The following FTCDNL1 variants were observed in gnomAD, a reference collection of about 807,000 sequenced individuals.
FTCDNL1 encodes formiminotransferase N-terminal subdomain-containing protein.
In FTCDNL1, 11 loss-of-function variants were observed where a neutral mutation model predicts 5.9. That is an observed-to-expected ratio of 1.87 (90% confidence interval 1.18 to 3.10). FTCDNL1 has a LOEUF of 3.10. Ranked by LOEUF, FTCDNL1 falls within the 30% of genes most tolerant of loss-of-function variation. FTCDNL1 has a pLI of 0.00. For synonymous variants in FTCDNL1, 58 were observed against 24.8 expected (o/e 2.34, Z -3.99); for missense variants, 115 against 65.5 (o/e 1.76, Z -2.61).
chr2:199,701,826 G>A, the FTCDNL1 span, among the ~76,000 whole-genome samples: 1 of 152,144 alleles, frequency 6.6e-6, no homozygotes, highest in African/African-American at 2.4e-5. Context: ...CTCGAGGCCA[G>A]GAATTTGAGA....
chr2:199,769,489 C>T (rs1417031218), intron 3 of FTCDNL1, among the ~76,000 whole-genome samples: 1 of 149,626 alleles, frequency 6.7e-6, no homozygotes, highest in Non-Finnish European at 1.5e-5. Context: ...GCCCCCCCAG[C>T]CATGTGGAAT....
chr2:199,776,957 T>C (rs867970416), intron 3 of FTCDNL1, among the ~76,000 whole-genome samples: 14 of 111,048 alleles, frequency 1.3e-4, no homozygotes, highest in African/African-American at 4.9e-4. Flanking sequence ...GATGTGTGTA[T>C]ATGTGTGTGT....
chr2:199,735,033 C>G, the FTCDNL1 span, among the ~76,000 whole-genome samples: 1 of 145,708 alleles, frequency 6.9e-6, no homozygotes. Flanking sequence ...ACAAAGGTGT[C>G]TCAAAACGCA....
the FTCDNL1 span, among the ~76,000 whole-genome samples, chr2:199,743,464 G>A: frequency 1.3e-5 from 2 of 152,198 alleles, no homozygotes; most frequent in Non-Finnish European, 2.9e-5. Flanking sequence ...TTATGCTTTT[G>A]TCTATCACTG....
At chr2:199,797,929 A>G in intron 3 of FTCDNL1, among the ~76,000 whole-genome samples, 1 of 152,214 alleles carries the variant, frequency 6.6e-6, no homozygotes, top group Non-Finnish European at 1.5e-5. Flanking sequence ...GAGTAAAGAC[A>G]ACAGGAAGAG....
At chr2:199,697,394 C>T in the FTCDNL1 span, among the ~76,000 whole-genome samples, 2 of 151,964 alleles carry the variant, frequency 1.3e-5, no homozygotes, top group Non-Finnish European at 2.9e-5. Context: ...GAGTAGGTCA[C>T]CTAAAAAGGG....
the FTCDNL1 span, among the ~76,000 whole-genome samples, chr2:199,744,455 G>C: frequency 2.0e-5 from 3 of 152,074 alleles, no homozygotes; most frequent in South Asian, 2.1e-4. Flanking sequence ...CAGAGAGAGA[G>C]AGAGAGAGAG....
intron 1 of FTCDNL1, among the ~76,000 whole-genome samples, chr2:199,849,666 T>G (rs1430027772): frequency 6.6e-6 from 1 of 152,218 alleles, no homozygotes; most frequent in African/African-American, 2.4e-5. Flanking sequence ...TATACAGGTT[T>G]TGGAGGTTGC....
chr2:199,751,818 A>T, the FTCDNL1 span, among the ~76,000 whole-genome samples: 6 of 152,194 alleles, frequency 3.9e-5, no homozygotes, highest in Admixed American at 6.5e-5. Flanking sequence ...GTAAATTATA[A>T]ATGTCCTGAA....
the FTCDNL1 span, among the ~76,000 whole-genome samples, chr2:199,680,268 A>G: frequency 6.6e-6 from 1 of 152,246 alleles, no homozygotes; most frequent in Non-Finnish European, 1.5e-5. Context: ...GATAGTTTAA[A>G]AAGCAAATGC....
At chr2:199,680,441 G>T in the FTCDNL1 span, among the ~76,000 whole-genome samples, 2 of 152,164 alleles carry the variant, frequency 1.3e-5, no homozygotes, top group Middle Eastern at 6.3e-3. Context: ...CTAAGACAGA[G>T]AAGACTCTGA....
At chr2:199,832,488 G>A (rs1702436507) in intron 3 of FTCDNL1, among the ~76,000 whole-genome samples, 1 of 152,148 alleles carries the variant, frequency 6.6e-6, no homozygotes, top group Non-Finnish European at 1.5e-5. Flanking sequence ...CTCTGAAATA[G>A]GTACTGAATA....
At chr2:199,717,509 A>ATT in the FTCDNL1 span, among the ~76,000 whole-genome samples, 175 of 57,678 alleles carry the variant, frequency 3.0e-3, 14 homozygotes, top group Middle Eastern at 0.013. Flanking sequence ...CAAGGCAGAG[A>ATT]TTTTTTTTTT....
At chr2:199,845,753 T>C (rs1294520854) in intron 3 of FTCDNL1, among the ~76,000 whole-genome samples, 1 of 151,670 alleles carries the variant, frequency 6.6e-6, no homozygotes, top group Non-Finnish European at 1.5e-5. Flanking sequence ...AAATGAAAGC[T>C]GACTTCAACA....
chr2:199,835,029 T>G (rs1348915641), intron 3 of FTCDNL1, among the ~76,000 whole-genome samples: 1 of 151,918 alleles, frequency 6.6e-6, no homozygotes, highest in Non-Finnish European at 1.5e-5. Flanking sequence ...AATTTAAAGA[T>G]TAGCTGGACA....
intron 3 of FTCDNL1, among the ~76,000 whole-genome samples, chr2:199,765,554 A>AT (rs1394074600): frequency 0.015 from 926 of 60,300 alleles, 36 homozygotes; most frequent in Admixed American, 0.034. Flanking sequence ...ATATATATAT[A>AT]TATTTTTTTT....
intron 3 of FTCDNL1, among the ~76,000 whole-genome samples, chr2:199,822,066 T>C (rs1701728546): frequency 6.6e-6 from 1 of 152,206 alleles, no homozygotes; most frequent in Non-Finnish European, 1.5e-5. Flanking sequence ...AAGTGTTTAA[T>C]AGTATTATGT....
the FTCDNL1 span, among the ~76,000 whole-genome samples, chr2:199,747,026 AACAC>A: frequency 0.62 from 89,862 of 145,680 alleles, 30,799 homozygotes; most frequent in South Asian, 0.82. Flanking sequence ...GTTTATTTAA[AACAC>A]ACACACACAC....
In FTCDNL1 at chr2:199,812,435, G is replaced by C; in HGVS notation, c.*270C>G. On this transcript the variant is annotated 3_prime_UTR_variant, in exon 5 of 5. Coordinates refer to ENST00000420128, the MANE Select transcript of FTCDNL1 (RefSeq NM_001363886.2). The stretch of plus-strand genomic sequence containing the variant: ...TTGACCTTATTTAAATGCTGAATTT[G>C]ATTTTTTATGTTAATTTAAACCTAC... The C allele has an allele frequency of 2.7e-6, 1 of 376,818 alleles. No individual in the cohort carries two copies. Among genetic ancestry groups the C allele is most frequent in the Non-Finnish European group, 4.7e-6 (1 of 213,946 alleles). 23.3% of individuals were successfully genotyped at this position (376,818 alleles called of 1,614,324 possible).
Sources: allele counts gnomAD v4.1 joint callset (sites outside exome capture counted in the v4.1 genomes callset), GRCh38; gene constraint gnomAD v4.1.1; transcripts MANE v1.5; gene names NCBI Gene and HGNC (gene_info 2026-07-23, HGNC 2026-07-21).